Variants in THAP12 observed in about 807,000 individuals in gnomAD.
The protein encoded by THAP12 is 52 kDa repressor of the inhibitor of the protein kinase.
Under a neutral mutation model 63.0 loss-of-function variants are expected in THAP12, and 20 were observed. That is an observed-to-expected ratio of 0.32 (90% confidence interval 0.22 to 0.46). The LOEUF (loss-of-function observed/expected upper bound fraction) is 0.46, where lower values mean the gene tolerates loss of function less well. THAP12 is among the 20% of genes least tolerant of loss of function. The pLI, the probability that THAP12 is intolerant of heterozygous loss-of-function variation, is 1.00. For missense variants in THAP12, 568 were observed against 908.2 expected (o/e 0.63, Z 4.81); for synonymous variants, 264 against 328.4 (o/e 0.80, Z 2.12).
intron 4 of THAP12, among the ~76,000 whole-genome samples, chr11:76,354,431 G>C (rs1005876606): frequency 6.6e-6 from 1 of 152,120 alleles, no homozygotes; most frequent in Non-Finnish European, 1.5e-5. Flanking sequence ...CAATTAACAA[G>C]TACTAATTCT....
chr11:76,366,326 G>A (rs1416988276), intron 1 of THAP12, among the ~76,000 whole-genome samples: 3 of 152,146 alleles, frequency 2.0e-5, no homozygotes, highest in African/African-American at 7.2e-5. Context: ...AAGGCTCACA[G>A]CTTAACATTC....
intron 3 of THAP12, chr11:76,357,617 A>C (rs994739560): frequency 1.5e-4 from 23 of 152,196 alleles, no homozygotes; most frequent in African/African-American, 4.8e-4. Context: ...GAATAGCAAT[A>C]ATGGATGCAA....
rs1044920621 is a variant in THAP12, at chr11:76,380,667, G to C, written c.89+81C>G. The C allele has an allele frequency of 7.1e-6, 8 of 1,125,306 alleles. No individual in the cohort carries two copies. In the African/African-American group the frequency reaches 1.3e-4, roughly 19 times the overall value. 69.7% of individuals were successfully genotyped at this position (1,125,306 alleles called of 1,614,324 possible). A position where few individuals can be genotyped will look rare whatever the true frequency, so the allele number is the denominator to read the frequency against. ...CTCCTGCGCCCCTCTCAGCCAGCCC[G>C]GGAGCCCGCCAGGGGCCGGCGGCTG... On this transcript the variant is annotated intron_variant, in intron 1 of 4. Transcript: ENST00000260045.
chr11:76,368,947 C>T (rs1946651470), intron 1 of THAP12, among the ~76,000 whole-genome samples: 2 of 152,042 alleles, frequency 1.3e-5, no homozygotes, highest in East Asian at 1.9e-4. Context: ...TAAAAGAAGC[C>T]ATTTAAGAGT....
Position 76,381,048 on chromosome 11 carries a change from G to A in THAP12, c.-212C>T, listed in dbSNP as rs1946756511. 3 of 222,274 alleles carry A rather than the reference G, an allele frequency of 1.3e-5. No homozygotes were observed. Among genetic ancestry groups the A allele is most frequent in the East Asian group, 1.0e-4 (1 of 9,940 alleles). 13.8% of individuals were successfully genotyped at this position (222,274 alleles called of 1,614,324 possible). The stretch of plus-strand genomic sequence containing the variant: ...TGGGGACGCGGCTCCACAGTGCTGT[G>A]AGCGGCCGGGAGGATTTACCGCCGC... On this transcript the variant is annotated 5_prime_UTR_variant, in exon 1 of 5. Transcript: ENST00000260045.
At chr11:76,362,795 G>C (rs576455939) in intron 2 of THAP12, among the ~76,000 whole-genome samples, 29 of 152,234 alleles carry the variant, frequency 1.9e-4, no homozygotes, top group African/African-American at 6.7e-4. Context: ...ATAAAGCAAA[G>C]ATATTATAGA....
chr11:76,363,597 GT>G (rs1946612673), intron 2 of THAP12, among the ~76,000 whole-genome samples: 1 of 151,946 alleles, frequency 6.6e-6, no homozygotes, highest in African/African-American at 2.4e-5. Flanking sequence ...GTTTTTGTTT[GT>G]TTGTTTTTGA....
intron 1 of THAP12, among the ~76,000 whole-genome samples, chr11:76,373,364 AAAG>A (rs1946687353): frequency 1.3e-5 from 2 of 151,764 alleles, no homozygotes; most frequent in Non-Finnish European, 2.9e-5. Flanking sequence ...AAAAAAGGAA[AAAG>A]AAGTACTATT....
chr11:76,363,580 T>A, intron 2 of THAP12, among the ~76,000 whole-genome samples: 1 of 73,556 alleles, frequency 1.4e-5, no homozygotes, highest in Non-Finnish European at 2.6e-5. Flanking sequence ...TATCAGAAAA[T>A]CCAGGGGTTT....
rs73489692 is a variant in THAP12 at position 76,354,023 on chromosome 11, C to G, written c.356-1229G>C. On this transcript the variant is annotated intron_variant, in intron 4 of 4. Transcript: ENST00000260045. ...GACTCCGTCTCAAAAAGAAAAAAGA[C>G]TATGGAGGGCGGTGGGGAGAAACAA... Among the ~76,000 whole-genome samples, 377 of 152,256 alleles carry G rather than the reference C, an allele frequency of 2.5e-3. 1 individual carries two copies. Among genetic ancestry groups the G allele is most frequent in the African/African-American group, 8.6e-3 (357 of 41,556 alleles).
intron 1 of THAP12, among the ~76,000 whole-genome samples, chr11:76,367,792 C>A (rs565331206): frequency 7.2e-5 from 11 of 152,132 alleles, no homozygotes; most frequent in Non-Finnish European, 1.5e-4. Flanking sequence ...CCACCTCCCC[C>A]CAACATACAT....
At chr11:76,369,036 G>A (rs1476026527) in intron 1 of THAP12, among the ~76,000 whole-genome samples, 1 of 151,784 alleles carries the variant, frequency 6.6e-6, no homozygotes, top group Non-Finnish European at 1.5e-5. Flanking sequence ...TATATATGAA[G>A]AACTCCTACA....
chr11:76,367,669 C>T (rs1052513258), intron 1 of THAP12, among the ~76,000 whole-genome samples: 1 of 151,966 alleles, frequency 6.6e-6, no homozygotes, highest in African/African-American at 2.4e-5. Context: ...GTGATCTGCC[C>T]ACCTTGGCCT....
intron 1 of THAP12, among the ~76,000 whole-genome samples, chr11:76,372,076 G>A (rs1358929688): frequency 1.3e-5 from 2 of 152,096 alleles, no homozygotes; most frequent in Non-Finnish European, 2.9e-5. Flanking sequence ...CTCCCAAAGT[G>A]CTGGGATTAC....
chr11:76,376,615 G>GTTTTTT (rs375196452), intron 1 of THAP12, among the ~76,000 whole-genome samples: 6 of 127,764 alleles, frequency 4.7e-5, no homozygotes, highest in Non-Finnish European at 9.8e-5. Context: ...TTGTGTCTAT[G>GTTTTTT]TTTTTTTTGT....
intron 1 of THAP12, among the ~76,000 whole-genome samples, chr11:76,374,367 G>A (rs1464814000): frequency 2.9e-5 from 4 of 136,084 alleles, no homozygotes; most frequent in Non-Finnish European, 4.6e-5. Context: ...CCATATAAAT[G>A]TTAATGCAAT....
chr11:76,359,303 T>C (rs1217353129), intron 3 of THAP12: 1 of 152,228 alleles, frequency 6.6e-6, no homozygotes, highest in East Asian at 1.9e-4. Flanking sequence ...TTGTCAATGA[T>C]TGCTGTTATT....
intron 1 of THAP12, among the ~76,000 whole-genome samples, chr11:76,372,418 A>AAG (rs1246224088): frequency 1.3e-5 from 2 of 150,998 alleles, no homozygotes; most frequent in South Asian, 2.1e-4. Context: ...AAAAAAAAAA[A>AAG]AGAGAGAGAG....
Position 76,360,999 on chromosome 11 carries a change from A to C in THAP12, c.275T>G (p.Leu92Trp). The C allele has an allele frequency of 1.2e-6, 2 of 1,610,968 alleles. No individual in the cohort carries two copies. The highest frequency in any genetic ancestry group is 1.7e-6 in the Non-Finnish European group (2 of 1,178,940). ...TCTGTGTCTACTATGTGGGTTGTTC[A>C]AATGACTGGTAAGATCAAATATTGT... Reference protein sequence around the residue: ...IPTIFDLTSHLNNPHSRHRKR... With the variant: ...IPTIFDLTSHWNNPHSRHRKR... The change falls in exon 3 of 5, where the codon TTG (leucine) becomes TGG (tryptophan). Residue 92 changes from leucine (L) to tryptophan (W), a missense_variant. By Grantham distance (61) the Leu-to-Trp change is moderately conservative. Coordinates refer to ENST00000260045, the MANE Select transcript of THAP12 (RefSeq NM_004705.4).
Sources: allele counts gnomAD v4.1 joint callset (sites outside exome capture counted in the v4.1 genomes callset), GRCh38; gene constraint gnomAD v4.1.1; transcripts MANE v1.5; gene names NCBI Gene and HGNC (gene_info 2026-07-23, HGNC 2026-07-21).